The following GATA4 variants were observed in gnomAD, a reference collection of about 807,000 sequenced individuals.
The protein encoded by GATA4 is GATA binding protein 4.
A neutral mutation model predicts 37.9 loss-of-function variants in GATA4; 7 were observed. The ratio of observed to expected loss-of-function variants is 0.18; its 90% confidence interval spans 0.11 to 0.35. The LOEUF (loss-of-function observed/expected upper bound fraction) is 0.35, where lower values mean the gene tolerates loss of function less well. GATA4 is among the 10% of genes least tolerant of loss of function. The probability of loss-of-function intolerance (pLI) is 1.00; values close to 1 mark genes in which losing one functional copy is unlikely to be tolerated. For synonymous variants in GATA4, 372 were observed against 292.6 expected, an observed-to-expected ratio of 1.27 and a Z score of -2.77; for missense variants, 647 against 653.0, an observed-to-expected ratio of 0.99 and a Z score of 0.10.
intron 1 of GATA4, among the ~76,000 whole-genome samples, chr8:11,677,537 G>T (rs1481623140): frequency 6.6e-6 from 1 of 152,142 alleles, no homozygotes; most frequent in South Asian, 2.1e-4. Flanking sequence ...CAAATCCCCT[G>T]GGGTCCCCCG....
chr8:11,757,947 C>T (rs978842650), intron 6 of GATA4, among the ~76,000 whole-genome samples: 1 of 152,186 alleles, frequency 6.6e-6, no homozygotes, highest in African/African-American at 2.4e-5. Flanking sequence ...CCCTTCTGGG[C>T]CGGGTGGATG....
chr8:11,758,713 C>T lies in GATA4; in HGVS notation c.*238C>T. On this transcript the variant is annotated 3_prime_UTR_variant, in exon 7 of 7. Transcript: ENST00000532059. ...CCCACCCTTCAGCACGAGCACACTG[C>T]ATCTCTCCTGTGAGTTGGAGACTTC... 1.7e-6 allele frequency: 1 copy of T among 572,808 alleles called. No homozygotes were observed. Among genetic ancestry groups the T allele is most frequent in the South Asian group, 2.0e-5 (1 of 51,244 alleles). The allele number at this position is 572,808 out of a possible 1,614,324, so 35.5% of individuals were successfully genotyped here.
At chr8:11,683,110 C>T in intron 1 of GATA4, 1 of 985,386 alleles carries the variant, frequency 1.0e-6, no homozygotes, top group Non-Finnish European at 1.2e-6. Flanking sequence ...CCTTGGAAAG[C>T]TCTTGGTGTG....
intron 6 of GATA4, 96 bp from the exon 7 acceptor site, chr8:11,758,197 G>C: frequency 2.5e-6 from 3 of 1,217,742 alleles, no homozygotes; most frequent in South Asian, 2.4e-5. Flanking sequence ...AGCCATCCTG[G>C]GGACATCTGC....
intron 1 of GATA4, among the ~76,000 whole-genome samples, chr8:11,679,700 A>G (rs921920780): frequency 2.0e-5 from 3 of 152,132 alleles, no homozygotes; most frequent in African/African-American, 7.2e-5. Flanking sequence ...TGCTGGGCGA[A>G]CAGTCCTAGC....
intron 2 of GATA4, among the ~76,000 whole-genome samples, chr8:11,739,967 G>A (rs1307769682): frequency 2.6e-5 from 4 of 152,214 alleles, no homozygotes; most frequent in Admixed American, 6.5e-5. Context: ...AAGGACTGGG[G>A]ATGTGCAGAG....
rs1802814553 is a variant in GATA4, at chr8:11,759,988, C to T, written c.*1513C>T. The T allele has an allele frequency of 6.6e-6, 1 of 152,662 alleles. No homozygotes were observed. Among genetic ancestry groups the T allele is most frequent in the Non-Finnish European group, 1.5e-5 (1 of 68,040 alleles). The allele number at this position is 152,662 out of a possible 1,614,324, so 9.5% of individuals were successfully genotyped here. On this transcript the variant is annotated 3_prime_UTR_variant, in exon 7 of 7. Coordinates refer to ENST00000532059, the MANE Select transcript of GATA4 (RefSeq NM_001308093.3). ...ATCAGTATTTAACTAATAAATTTAT[C>T]TGTATTCCTCTTTCCCTCGTCCCTT... is the stretch of plus-strand genomic sequence containing the variant.
Position 11,708,209 on chromosome 8 carries a change from C to T in GATA4, c.-104C>T, listed in dbSNP as rs1799980350. 7.8e-7 allele frequency: 1 copy of T among 1,274,272 alleles called. No homozygotes were observed. Among genetic ancestry groups the T allele is most frequent in the Non-Finnish European group, 1.1e-6 (1 of 910,372 alleles). 78.9% of individuals were successfully genotyped at this position (1,274,272 alleles called of 1,614,324 possible). ...TTGATTTTTGATCTTCGCGACAGTT[C>T]CTCCCACGCATATTATCGTTGTTGC... is the stretch of plus-strand genomic sequence containing the variant. On this transcript the variant is annotated 5_prime_UTR_variant, in exon 2 of 7. Coordinates refer to ENST00000532059, the MANE Select transcript of GATA4 (RefSeq NM_001308093.3). This position sits in a 1 kb window ranked among gnomAD's most constrained non-coding sequence, Gnocchi z 6.7.
chr8:11,748,662 C>T (rs1019093424), intron 2 of GATA4, among the ~76,000 whole-genome samples: 1 of 152,126 alleles, frequency 6.6e-6, no homozygotes, highest in Non-Finnish European at 1.5e-5. Flanking sequence ...CCAGGTGTCC[C>T]GCCTCCCAGC....
chr8:11,741,722 G>GGAAGC (rs1801749752), intron 2 of GATA4, among the ~76,000 whole-genome samples: 2 of 152,232 alleles, frequency 1.3e-5, no homozygotes, highest in Non-Finnish European at 2.9e-5. Flanking sequence ...ATGAAGGCCA[G>GGAAGC]GAAGCGTTTC....
chr8:11,757,179 G>C lies in GATA4; in HGVS notation c.1149+96G>C. 2.6e-6 allele frequency: 4 copies of C among 1,535,946 alleles called. No homozygotes were observed. In the South Asian group the frequency reaches 3.6e-5, roughly 14 times the overall value. ...AGTACTGGGTGGGACTTGCAGCCAG[G>C]CCTCACAGGTGCAAGCAGTGAGCTA... On this transcript the variant is annotated intron_variant, in intron 6 of 6. Coordinates refer to ENST00000532059, the MANE Select transcript of GATA4 (RefSeq NM_001308093.3).
At chr8:11,705,958 T>A (rs888323256) in intron 1 of GATA4, 1 of 152,136 alleles carries the variant, frequency 6.6e-6, no homozygotes, top group African/African-American at 2.4e-5. Flanking sequence ...ACTGCAGGAG[T>A]TGAGTATTCC....
At chr8:11,697,813 G>A (rs1799549839) in intron 1 of GATA4, 3 of 985,358 alleles carry the variant, frequency 3.0e-6, no homozygotes, top group Admixed American at 1.2e-4. Context: ...CAAGGGTGCC[G>A]GGCCGGTGGG....
intron 2 of GATA4, among the ~76,000 whole-genome samples, chr8:11,725,591 G>C (rs887552297): frequency 2.0e-5 from 3 of 152,224 alleles, no homozygotes; most frequent in African/African-American, 7.2e-5. Flanking sequence ...GCGCAGGCTG[G>C]GGTGAGTCTT....
At chr8:11,712,802 A>G (rs564553832) in intron 2 of GATA4, among the ~76,000 whole-genome samples, 133 of 152,244 alleles carry the variant, frequency 8.7e-4, no homozygotes, top group South Asian at 6.9e-3. Context: ...TTGAGGCTGC[A>G]GTGAGCCGTG....
intron 1 of GATA4, chr8:11,681,172 C>CGG: frequency 1.0e-6 from 1 of 985,350 alleles, no homozygotes; most frequent in Non-Finnish European, 1.2e-6. Context: ...GCAGAACCTT[C>CGG]GGGGGTTAGT....
rs1286108205 is a variant in GATA4, at chr8:11,749,562, T to C, written c.786+477T>C. ...TGGGCCCCGTGGCTAGGGAAGAGTT[T>C]GGGCCTGGGGCTTGGCTCCTGGCTT... On this transcript the variant is annotated intron_variant, in intron 3 of 6. Transcript: ENST00000532059. The surrounding 1 kb of genome is among the most constrained non-coding windows in gnomAD (Gnocchi z 4.6). 6.6e-6 allele frequency among the ~76,000 whole-genome samples: 1 copy of C among 152,220 alleles called. No homozygotes were observed. The highest frequency in any genetic ancestry group is 1.9e-4 in the East Asian group (1 of 5,198).
chr8:11,685,643 A>C (rs562331538), intron 1 of GATA4, among the ~76,000 whole-genome samples: 2 of 152,338 alleles, frequency 1.3e-5, no homozygotes, highest in African/African-American at 4.8e-5. Flanking sequence ...ATTTTTCCAC[A>C]AGGAAGAGAT....
intron 2 of GATA4, among the ~76,000 whole-genome samples, chr8:11,713,328 G>A (rs775932708): frequency 1.3e-5 from 2 of 152,136 alleles, no homozygotes; most frequent in Non-Finnish European, 2.9e-5. Flanking sequence ...TGACCTTACT[G>A]AGGGCAGGTA....
Sources: gnomAD v4.1 joint callset for allele counts (sites outside exome capture counted in the v4.1 genomes callset) on GRCh38, gnomAD v4.1.1 for gene constraint, Gnocchi (gnomAD v3.1) non-coding constraint, MANE v1.5 for transcripts, NCBI Gene and HGNC (gene_info 2026-07-23, HGNC 2026-07-21) for gene names.